DNAH9: variants seen among roughly 807,000 people sequenced by gnomAD.
The protein encoded by DNAH9 is DNAH9 variant protein.
Under a neutral mutation model 471.6 loss-of-function variants are expected in DNAH9, and 345 were observed. The ratio of observed to expected loss-of-function variants is 0.73; its 90% CI spans 0.67 to 0.80. DNAH9 has a LOEUF of 0.80. Among genes scored for constraint, DNAH9 ranks in the 30% least tolerant of loss-of-function variants. The probability of loss-of-function intolerance (pLI) is 0.00; values close to 1 mark genes in which losing one functional copy is unlikely to be tolerated. For synonymous variants in DNAH9, 2,093 were observed against 2,123.6 expected (o/e 0.99, Z 0.40); for missense variants, 5,407 against 5,609.2 (o/e 0.96, Z 1.15).
chr17:11,638,408 G>A (rs899087461), intron 9 of DNAH9, among the ~76,000 whole-genome samples: 8 of 151,442 alleles, frequency 5.3e-5, no homozygotes, highest in Non-Finnish European at 1.2e-4. Context: ...TTTTTAAGAC[G>A]GCGTCTGGCT....
Position 11,655,421 on chromosome 17 carries a change from A to G in DNAH9, c.2595+2419A>G, listed in dbSNP as rs191729173. Among the ~76,000 whole-genome samples the G allele has an allele frequency of 2.4e-4, 37 of 151,776 alleles. No homozygotes were observed. The East Asian group carries it at 6.5e-3, about 27-fold the overall frequency. Reference sequence around the variant, plus strand: ...AAAAGATAAAAATTTAGAGAAAAAGATAAAAATTTCTTCTGTTCATGGAGC... The same window carrying G: ...AAAAGATAAAAATTTAGAGAAAAAGGTAAAAATTTCTTCTGTTCATGGAGC... On this transcript the variant is annotated intron_variant, in intron 14 of 68. Transcript: ENST00000262442.
chr17:11,851,994 T>C (rs1971439185), intron 49 of DNAH9, among the ~76,000 whole-genome samples: 1 of 152,168 alleles, frequency 6.6e-6, no homozygotes. Flanking sequence ...TTTTCTCACT[T>C]TGCCCTCTGT....
intron 57 of DNAH9, among the ~76,000 whole-genome samples, chr17:11,887,377 T>C (rs1393553617): frequency 6.6e-6 from 1 of 152,218 alleles, no homozygotes; most frequent in South Asian, 2.1e-4. Context: ...GCAATAATAA[T>C]ACACCAACTT....
rs1375860896 is a variant in DNAH9 at position 11,626,905 on chromosome 17, A to G, written c.1351-2512A>G. Reference sequence around the variant, plus strand: ...CAGCATACATTCTTTCACTCAACAAATGTGTTCAGGGTCAGGGACTCTTCC... The same window carrying G: ...CAGCATACATTCTTTCACTCAACAAGTGTGTTCAGGGTCAGGGACTCTTCC... On this transcript the variant is annotated intron_variant, in intron 6 of 68. Transcript: ENST00000262442. This position sits in a 1 kb window ranked among gnomAD's most constrained non-coding sequence, Gnocchi z 4.3. Among the ~76,000 whole-genome samples, 4 of 152,098 alleles carry G rather than the reference A, an allele frequency of 2.6e-5. No individual in the cohort carries two copies. The highest frequency in any genetic ancestry group is 2.6e-4 in the Admixed American group (4 of 15,266).
At chr17:11,946,309 G>A (rs1490929977) in intron 67 of DNAH9, among the ~76,000 whole-genome samples, 1 of 151,812 alleles carries the variant, frequency 6.6e-6, no homozygotes, top group Non-Finnish European at 1.5e-5. Flanking sequence ...CTATCAGGAG[G>A]GGCAATCAAC....
intron 36 of DNAH9, among the ~76,000 whole-genome samples, chr17:11,768,120 C>T (rs9909956): frequency 0.3 from 45,165 of 152,006 alleles, 10,808 homozygotes; most frequent in African/African-American, 0.67. Flanking sequence ...GGCCAATCTA[C>T]CTCTTCAGGA....
intron 5 of DNAH9, 40 bp downstream of exon 5, chr17:11,617,662 G>A (rs759693117): frequency 3.4e-6 from 5 of 1,484,748 alleles, no homozygotes; most frequent in East Asian, 2.3e-5. Flanking sequence ...CTCCCTGGGG[G>A]CTGGTTGGCA....
chr17:11,787,717 G>T (rs1968922271), intron 41 of DNAH9, among the ~76,000 whole-genome samples: 1 of 152,142 alleles, frequency 6.6e-6, no homozygotes. Flanking sequence ...CCCACATGTT[G>T]TGGGAGGGAC....
At chr17:11,876,398 C>A (rs899899080) in intron 53 of DNAH9, among the ~76,000 whole-genome samples, 6 of 151,788 alleles carry the variant, frequency 4.0e-5, no homozygotes, top group Admixed American at 2.0e-4. Context: ...AATATATACA[C>A]CCATGTACCC....
chr17:11,952,323 T>C (rs1975408731), intron 67 of DNAH9, among the ~76,000 whole-genome samples: 1 of 140,520 alleles, frequency 7.1e-6, no homozygotes, highest in African/African-American at 2.7e-5. Flanking sequence ...TTTTTTTTTT[T>C]TTTTTTTTTT....
intron 43 of DNAH9, among the ~76,000 whole-genome samples, chr17:11,801,525 A>G (rs951319269): frequency 1.3e-5 from 2 of 152,154 alleles, no homozygotes; most frequent in Admixed American, 1.3e-4. Context: ...CCCCGTCTCT[A>G]CTAAAAATAC....
At chr17:11,763,336 G>C in intron 35 of DNAH9, 104 bp from the exon 36 acceptor site, 1 of 980,250 alleles carries the variant, frequency 1.0e-6, no homozygotes, top group Admixed American at 2.2e-5. Context: ...AGAACTTGAC[G>C]GACCATGAGT....
chr17:11,616,090 G>C (rs1400039291), intron 4 of DNAH9, among the ~76,000 whole-genome samples: 2 of 152,178 alleles, frequency 1.3e-5, no homozygotes, highest in Non-Finnish European at 2.9e-5. Flanking sequence ...GAAGCCAAGG[G>C]TTCAATGTAA....
intron 48 of DNAH9, among the ~76,000 whole-genome samples, chr17:11,830,836 A>T (rs1177505863): frequency 2.0e-5 from 3 of 152,214 alleles, no homozygotes; most frequent in Admixed American, 6.5e-5. Flanking sequence ...GTTTTCCCAT[A>T]GCTGAAGAAT....
At chr17:11,917,270 C>T in intron 61 of DNAH9, among the ~76,000 whole-genome samples, 1 of 152,156 alleles carries the variant, frequency 6.6e-6, no homozygotes, top group East Asian at 1.9e-4. Context: ...GATTCTCCTG[C>T]CTCAGCCTCC....
intron 67 of DNAH9, among the ~76,000 whole-genome samples, chr17:11,957,603 C>T (rs985226063): frequency 9.7e-5 from 13 of 133,950 alleles, no homozygotes; most frequent in African/African-American, 3.4e-4. Context: ...CCAGAAATAC[C>T]AGTGGATGCA....
chr17:11,852,265 CA>C (rs1212423887), intron 49 of DNAH9, among the ~76,000 whole-genome samples: 19 of 152,178 alleles, frequency 1.2e-4, no homozygotes, highest in African/African-American at 4.6e-4. Flanking sequence ...GCGCCATAAG[CA>C]AATGGTTTCA....
At chr17:11,837,984 A>G (rs553985114) in intron 49 of DNAH9, among the ~76,000 whole-genome samples, 1 of 152,348 alleles carries the variant, frequency 6.6e-6, no homozygotes, top group African/African-American at 2.4e-5. Context: ...CCTCATCAGG[A>G]AGCAAATAAT....
At chr17:11,631,568 G>C (rs1240043546) in intron 7 of DNAH9, among the ~76,000 whole-genome samples, 1 of 151,478 alleles carries the variant, frequency 6.6e-6, no homozygotes, top group Non-Finnish European at 1.5e-5. Flanking sequence ...TTGAACCCGG[G>C]AGGCAGAGGT....
Sources: allele counts gnomAD v4.1 joint callset (sites outside exome capture counted in the v4.1 genomes callset), GRCh38; gene constraint gnomAD v4.1.1; non-coding constraint Gnocchi (gnomAD v3.1); transcripts MANE v1.5; gene names NCBI Gene and HGNC (gene_info 2026-07-23, HGNC 2026-07-21).